The following PPFIA2 variants were observed in gnomAD, a reference collection of about 807,000 sequenced individuals.
The protein encoded by PPFIA2 is PPFI scaffold protein A2, also known as liprin-alpha-2.
A neutral mutation model predicts 175.5 loss-of-function variants in PPFIA2; 46 were observed. That is an observed-to-expected ratio of 0.26 (90% CI 0.21 to 0.34). The LOEUF (loss-of-function observed/expected upper bound fraction) is 0.34, where lower values mean the gene tolerates loss of function less well. Ranked by LOEUF, PPFIA2 falls within the 10% of genes least tolerant of loss-of-function variation. The pLI is 1.00. For missense variants in PPFIA2, 1,179 were observed against 1,506.1 expected, an observed-to-expected ratio of 0.78 and a Z score of 3.60; for synonymous variants, 568 against 511.4, an observed-to-expected ratio of 1.11 and a Z score of -1.49.
intron 22 of PPFIA2, among the ~76,000 whole-genome samples, chr12:81,305,374 T>TA (rs1179407785): frequency 6.6e-6 from 1 of 152,200 alleles, no homozygotes; most frequent in East Asian, 1.9e-4. Context: ...GCTTACTATA[T>TA]AACTCAGTAA....
chr12:81,690,409 A>C (rs2075087393), intron 3 of PPFIA2, among the ~76,000 whole-genome samples: 1 of 152,018 alleles, frequency 6.6e-6, no homozygotes, highest in African/African-American at 2.4e-5. Flanking sequence ...TCTTCATGGA[A>C]AGTATACTGA....
At chr12:81,539,998 C>T (rs2065960522) in intron 4 of PPFIA2, among the ~76,000 whole-genome samples, 1 of 151,848 alleles carries the variant, frequency 6.6e-6, no homozygotes, top group Non-Finnish European at 1.5e-5. Context: ...TATTAGCATT[C>T]CAGAAGAGGG....
At chr12:81,718,984 T>C (rs1316822633) in intron 3 of PPFIA2, among the ~76,000 whole-genome samples, 1 of 151,708 alleles carries the variant, frequency 6.6e-6, no homozygotes, top group East Asian at 1.9e-4. Context: ...TATAGCTCCA[T>C]AAATTGTTAT....
chr12:81,459,236 C>A (rs2054110614), intron 4 of PPFIA2, among the ~76,000 whole-genome samples: 1 of 151,980 alleles, frequency 6.6e-6, no homozygotes, highest in South Asian at 2.1e-4. Flanking sequence ...ATACTCTGAG[C>A]ATATTATTTA....
At chr12:81,619,429 G>T (rs1223598496) in intron 4 of PPFIA2, among the ~76,000 whole-genome samples, 1 of 152,096 alleles carries the variant, frequency 6.6e-6, no homozygotes, top group Non-Finnish European at 1.5e-5. Context: ...GACATGACCT[G>T]ATTTCAAAAA....
intron 7 of PPFIA2, among the ~76,000 whole-genome samples, chr12:81,418,947 T>C (rs2045794254): frequency 6.6e-6 from 1 of 151,958 alleles, no homozygotes; most frequent in South Asian, 2.1e-4. Flanking sequence ...ATGGAAACAG[T>C]TGAGAGAACA....
chr12:81,560,569 G>T (rs988518517), intron 4 of PPFIA2, among the ~76,000 whole-genome samples: 2 of 152,030 alleles, frequency 1.3e-5, no homozygotes, highest in African/African-American at 4.8e-5. Flanking sequence ...TATGTGTCAG[G>T]CAGAAAACCA....
intron 8 of PPFIA2, among the ~76,000 whole-genome samples, chr12:81,404,855 G>A (rs1351774781): frequency 6.6e-6 from 1 of 152,078 alleles, no homozygotes; most frequent in Non-Finnish European, 1.5e-5. Context: ...TTATTGTATT[G>A]TCCAGTCACT....
chr12:81,305,586 A>T (rs2048939866), intron 22 of PPFIA2, among the ~76,000 whole-genome samples: 1 of 152,066 alleles, frequency 6.6e-6, no homozygotes, highest in Non-Finnish European at 1.5e-5. Context: ...CTTTCTCTCC[A>T]TTTGGAATGG....
intron 4 of PPFIA2, among the ~76,000 whole-genome samples, chr12:81,613,248 G>A (rs184376327): frequency 1.3e-5 from 2 of 152,222 alleles, no homozygotes; most frequent in African/African-American, 4.8e-5. Context: ...TAGTTCCAGA[G>A]TTTAAAATAA....
intron 4 of PPFIA2, among the ~76,000 whole-genome samples, chr12:81,632,084 C>A (rs1275652998): frequency 1.3e-5 from 2 of 152,000 alleles, no homozygotes; most frequent in Non-Finnish European, 2.9e-5. Flanking sequence ...TTTAAATATA[C>A]TTCTTATCAA....
chr12:81,286,238 A>G (rs1282563667), intron 24 of PPFIA2, among the ~76,000 whole-genome samples: 1 of 152,116 alleles, frequency 6.6e-6, no homozygotes, highest in African/African-American at 2.4e-5. Flanking sequence ...TTTATAAATT[A>G]CAAATGTTAC....
chr12:81,588,787 T>C (rs560383396), intron 4 of PPFIA2, among the ~76,000 whole-genome samples: 2 of 152,186 alleles, frequency 1.3e-5, no homozygotes, highest in South Asian at 2.1e-4. Flanking sequence ...GACCATACCA[T>C]ACCACTGAAA....
At position 81,355,963 on chromosome 12, in the gene PPFIA2, G is replaced by A. The variant is rs2060794689; in HGVS notation, c.1773+2119C>T. 3.9e-5 allele frequency among the ~76,000 whole-genome samples: 6 copies of A among 152,070 alleles called. No individual in the cohort carries two copies. The South Asian group carries it at 1.0e-3, about 26-fold the overall frequency. ...CGTGTTGTTTCTTATTTTCCTTCAG[G>A]AACTTTTCCTTTGTAGTCACAACTT... On this transcript the variant is annotated intron_variant, in intron 16 of 32. Coordinates refer to ENST00000549396, the MANE Select transcript of PPFIA2 (RefSeq NM_003625.5).
chr12:81,422,295 G>T (rs2046419885), intron 7 of PPFIA2, among the ~76,000 whole-genome samples: 1 of 151,700 alleles, frequency 6.6e-6, no homozygotes, highest in African/African-American at 2.4e-5. Context: ...GGACTTTATG[G>T]AATGAAGAAC....
At chr12:81,550,488 A>T (rs2067737662) in intron 4 of PPFIA2, among the ~76,000 whole-genome samples, 1 of 151,988 alleles carries the variant, frequency 6.6e-6, no homozygotes, top group African/African-American at 2.4e-5. Context: ...GATTTAAGTG[A>T]TATATTTTGA....
chr12:81,350,611 G>T (rs909972170), intron 17 of PPFIA2: 1 of 152,212 alleles, frequency 6.6e-6, no homozygotes, highest in Non-Finnish European at 1.5e-5. Flanking sequence ...AATGGTTAGA[G>T]AATGGTGAGA....
intron 3 of PPFIA2, among the ~76,000 whole-genome samples, chr12:81,690,566 A>G (rs2075116029): frequency 6.6e-6 from 1 of 152,100 alleles, no homozygotes; most frequent in African/African-American, 2.4e-5. Flanking sequence ...TGGGCAGTGC[A>G]TCTTAAAGTG....
chr12:81,652,054 T>C (rs1287287209), intron 4 of PPFIA2, among the ~76,000 whole-genome samples: 1 of 151,554 alleles, frequency 6.6e-6, no homozygotes, highest in Non-Finnish European at 1.5e-5. Context: ...AAGTAAGGTA[T>C]ACAGTTATAC....
Sources: gnomAD v4.1 joint callset for allele counts (sites outside exome capture counted in the v4.1 genomes callset) on GRCh38, gnomAD v4.1.1 for gene constraint, MANE v1.5 for transcripts, NCBI Gene and HGNC (gene_info 2026-07-23, HGNC 2026-07-21) for gene names.